PIK3R3: variants seen among roughly 807,000 people sequenced by gnomAD.
The protein encoded by PIK3R3 is phosphoinositide-3-kinase regulatory subunit 3, also known as phosphatidylinositol 3-kinase regulatory subunit gamma.
PIK3R3 carries 64 observed loss-of-function variants against 62.9 expected under a neutral mutation model. The ratio of observed to expected loss-of-function variants is 1.02; its 90% CI spans 0.83 to 1.25. The LOEUF (loss-of-function observed/expected upper bound fraction) is 1.25, where lower values mean the gene tolerates loss of function less well. PIK3R3 is among the 50% of genes most tolerant of loss of function. The pLI is 0.00. For synonymous variants in PIK3R3, 165 were observed against 189.0 expected, an observed-to-expected ratio of 0.87 and a Z score of 1.04; for missense variants, 614 against 561.6, an observed-to-expected ratio of 1.09 and a Z score of -0.94.
intron 3 of PIK3R3, among the ~76,000 whole-genome samples, 186 bp from the exon 4 acceptor site, chr1:46,067,277 T>TATATATATATATATATATAA (rs368368491): frequency 5.8e-4 from 86 of 147,284 alleles, no homozygotes; most frequent in East Asian, 1.8e-3. Context: ...TATATATATA[T>TATATATATATATATATATAA]AATTCATTTT....
Position 46,078,832 on chromosome 1 carries a change from G to A in PIK3R3, c.216-1219C>T, listed in dbSNP as rs925316259. Among the ~76,000 whole-genome samples, 21 of 152,280 alleles carry A rather than the reference G, an allele frequency of 1.4e-4. No individual in the cohort carries two copies. The South Asian group carries it at 1.9e-3, about 14-fold the overall frequency. The stretch of plus-strand genomic sequence containing the variant: ...TTCTGACACATGCTACAACATGAAT[G>A]AACCTTGAAGACGTATGAAGAAAGT... On this transcript the variant is annotated intron_variant, in intron 2 of 9. Coordinates refer to ENST00000262741, the MANE Select transcript of PIK3R3 (RefSeq NM_003629.4).
chr1:46,164,117 G>T, the PIK3R3 span, among the ~76,000 whole-genome samples: 17 of 152,250 alleles, frequency 1.1e-4, no homozygotes, highest in South Asian at 3.5e-3. Context: ...GTAGTTAACA[G>T]GTAGGAGGAT....
intron 1 of PIK3R3, among the ~76,000 whole-genome samples, chr1:46,095,673 A>T (rs573330143): frequency 1.3e-5 from 2 of 152,334 alleles, no homozygotes; most frequent in African/African-American, 4.8e-5. Flanking sequence ...AGTAGAAGGA[A>T]AAAAACAATT....
chr1:46,164,521 A>T, the PIK3R3 span, among the ~76,000 whole-genome samples: 32 of 151,978 alleles, frequency 2.1e-4, no homozygotes, highest in African/African-American at 7.7e-4. Context: ...CTCAGGATAA[A>T]AACCAGCTTC....
intron 1 of PIK3R3, among the ~76,000 whole-genome samples, chr1:46,124,233 C>CTG (rs766371224): frequency 6.6e-6 from 1 of 152,122 alleles, no homozygotes. Context: ...CCCCACAACT[C>CTG]TACAAAGGTA....
At chr1:46,070,292 C>A (rs944907150) in intron 3 of PIK3R3, among the ~76,000 whole-genome samples, 1 of 152,118 alleles carries the variant, frequency 6.6e-6, no homozygotes, top group Admixed American at 6.5e-5. Flanking sequence ...GAGAAGCAGA[C>A]CCTGGACAAG....
the PIK3R3 span, among the ~76,000 whole-genome samples, chr1:46,161,219 C>G: frequency 6.6e-6 from 1 of 151,728 alleles, no homozygotes. Flanking sequence ...CTCAGCCTCC[C>G]TTAGTAGCTG....
chr1:46,074,405 A>G (rs1649875450), intron 3 of PIK3R3, among the ~76,000 whole-genome samples: 1 of 149,990 alleles, frequency 6.7e-6, no homozygotes, highest in Admixed American at 6.7e-5. Context: ...TCCCATACAT[A>G]TTTTCCAGAT....
intron 1 of PIK3R3, among the ~76,000 whole-genome samples, chr1:46,104,411 C>CT (rs1652992281): frequency 6.6e-6 from 1 of 152,126 alleles, no homozygotes; most frequent in Non-Finnish European, 1.5e-5. Context: ...AGTGCTTTCC[C>CT]TATTAAAGCT....
intron 4 of PIK3R3, 116 bp from the exon 5 acceptor site, chr1:46,066,295 T>C: frequency 1.4e-6 from 1 of 697,440 alleles, no homozygotes. Context: ...TTAAACTATA[T>C]TTCAACTGTA....
At chr1:46,099,284 T>C (rs1211321062) in intron 1 of PIK3R3, among the ~76,000 whole-genome samples, 1 of 152,142 alleles carries the variant, frequency 6.6e-6, no homozygotes, top group Non-Finnish European at 1.5e-5. Context: ...CAGAGAGAAT[T>C]AGATGTTTCA....
At chr1:46,118,877 T>TC (rs1654422800) in intron 1 of PIK3R3, among the ~76,000 whole-genome samples, 1 of 151,786 alleles carries the variant, frequency 6.6e-6, no homozygotes, top group Non-Finnish European at 1.5e-5. Context: ...TTTACTACTT[T>TC]CCCCTCATTC....
the PIK3R3 span, among the ~76,000 whole-genome samples, chr1:46,162,805 T>C: frequency 6.6e-6 from 1 of 152,132 alleles, no homozygotes; most frequent in South Asian, 2.1e-4. Context: ...GTATTTTTAG[T>C]AGAGATGAGG....
At chr1:46,139,010 T>C in the PIK3R3 span, 1 of 152,364 alleles carries the variant, frequency 6.6e-6, no homozygotes, top group Non-Finnish European at 1.5e-5. Context: ...AATTATGTCA[T>C]GGGTGTATAC....
At chr1:46,110,275 C>CTTTTT (rs35873858) in intron 1 of PIK3R3, among the ~76,000 whole-genome samples, 4 of 71,314 alleles carry the variant, frequency 5.6e-5, no homozygotes, top group Non-Finnish European at 8.0e-5. Context: ...CCAGGCTTGG[C>CTTTTT]TTTTTTTTTT....
At chr1:46,144,181 GTAT>G in the PIK3R3 span, among the ~76,000 whole-genome samples, 2 of 152,196 alleles carry the variant, frequency 1.3e-5, no homozygotes, top group Non-Finnish European at 2.9e-5. Flanking sequence ...ATCTCTGGAG[GTAT>G]TATGGCCATG....
chr1:46,159,121 A>AAATAAATAAAT, the PIK3R3 span, among the ~76,000 whole-genome samples: 4 of 148,054 alleles, frequency 2.7e-5, no homozygotes, highest in East Asian at 7.8e-4. Context: ...ATAAATAAAT[A>AAATAAATAAAT]AAATAAAATG....
chr1:46,047,764 TTTTG>T (rs147158484), intron 7 of PIK3R3, among the ~76,000 whole-genome samples: 31,286 of 151,826 alleles, frequency 0.21, 3,657 homozygotes, highest in Non-Finnish European at 0.26. Flanking sequence ...TATTTTATAT[TTTTG>T]TTTGTTTGGT....
chr1:46,076,872 T>C (rs1180484446), intron 3 of PIK3R3, among the ~76,000 whole-genome samples: 2 of 152,342 alleles, frequency 1.3e-5, no homozygotes, highest in Non-Finnish European at 1.5e-5. Context: ...AAGTTAGTCA[T>C]TGTTATTGTT....
Sources: allele counts gnomAD v4.1 joint callset (sites outside exome capture counted in the v4.1 genomes callset), GRCh38; gene constraint gnomAD v4.1.1; transcripts MANE v1.5; gene names NCBI Gene and HGNC (gene_info 2026-07-23, HGNC 2026-07-21).